The following PLEKHH1 variants were observed in gnomAD, a reference collection of about 807,000 sequenced individuals.
PLEKHH1 encodes pleckstrin homology domain-containing family H member 1.
A neutral mutation model predicts 160.0 loss-of-function variants in PLEKHH1; 104 were observed. The ratio of observed to expected loss-of-function variants is 0.65; its 90% confidence interval spans 0.55 to 0.76. The LOEUF is 0.76. Among genes scored for constraint, PLEKHH1 ranks in the 30% least tolerant of loss-of-function variants. The pLI is 0.00. For missense variants in PLEKHH1, 1,427 were observed against 1,724.1 expected, an observed-to-expected ratio of 0.83 and a Z score of 3.05; for synonymous variants, 619 against 678.4, an observed-to-expected ratio of 0.91 and a Z score of 1.36.
rs116563789 is a variant in PLEKHH1 at position 67,554,150 on chromosome 14, T to C, written c.127-1675T>C. 7.2e-3 allele frequency among the ~76,000 whole-genome samples: 1,094 copies of C among 152,344 alleles called. 20 individuals are homozygous for C. Among genetic ancestry groups the C allele is most frequent in the African/African-American group, 0.025 (1,028 of 41,586 alleles). On this transcript the variant is annotated intron_variant, in intron 2 of 28. Coordinates refer to ENST00000329153, the MANE Select transcript of PLEKHH1 (RefSeq NM_020715.3). ...AAAAATGGATGAGGGAAGGCCACCCTGAGCAAAGAGATCCCCCAGGTTCCC... is the reference window on the plus strand; with the variant it reads ...AAAAATGGATGAGGGAAGGCCACCCCGAGCAAAGAGATCCCCCAGGTTCCC...
intron 1 of PLEKHH1, among the ~76,000 whole-genome samples, chr14:67,540,344 G>A (rs887479235): frequency 4.6e-5 from 7 of 151,632 alleles, no homozygotes; most frequent in African/African-American, 7.3e-5. Flanking sequence ...AAATATTATC[G>A]GCCGGGTACA....
In PLEKHH1 at chr14:67,585,657, A is replaced by G. The variant is rs1332577574; in HGVS notation, c.3786+3A>G. 1 of 1,546,340 alleles carries G rather than the reference A, an allele frequency of 6.5e-7. No homozygotes were observed. The highest frequency in any genetic ancestry group is 8.8e-7 in the Non-Finnish European group (1 of 1,136,802). ...GCATCCTGGACCACAACACTATGGT[A>G]TGAAAGGATGCAGGCTGCTCCCTGA... On this transcript the variant is annotated splice_donor_region_variant and intron_variant, in intron 27 of 28. Coordinates refer to ENST00000329153, the MANE Select transcript of PLEKHH1 (RefSeq NM_020715.3).
chr14:67,536,944 G>T (rs1420635559), intron 1 of PLEKHH1, among the ~76,000 whole-genome samples: 1 of 151,416 alleles, frequency 6.6e-6, no homozygotes, highest in African/African-American at 2.4e-5. Context: ...GGAGGCTGAG[G>T]CAGGAAAATT....
At chr14:67,581,102 C>T in intron 23 of PLEKHH1, 64 bp downstream of exon 23, 1 of 988,220 alleles carries the variant, frequency 1.0e-6, no homozygotes, top group Non-Finnish European at 1.6e-6. Context: ...CAGCTCATCG[C>T]CTCCTCGACT....
intron 22 of PLEKHH1, among the ~76,000 whole-genome samples, chr14:67,580,702 C>A (rs1190375352): frequency 6.6e-6 from 1 of 152,190 alleles, no homozygotes; most frequent in East Asian, 1.9e-4. Context: ...CTGGTGACAC[C>A]AGCAGGGCAG....
intron 2 of PLEKHH1, among the ~76,000 whole-genome samples, chr14:67,544,912 G>C (rs1254416947): frequency 6.6e-6 from 1 of 152,204 alleles, no homozygotes; most frequent in African/African-American, 2.4e-5. Flanking sequence ...TTCCATGAAA[G>C]ATAGTGGCTG....
rs771760426 is a variant in PLEKHH1, at chr14:67,574,353, G to T, written c.2038G>T (p.Ala680Ser). Residue 680 changes from alanine (A) to serine (S), a missense_variant, in exon 14 of 29, where the codon GCT becomes TCT. By Grantham distance (99) the Ala-to-Ser change is moderately conservative. This residue lies in a region of PLEKHH1 where 831 missense variants were observed against 929.2 expected (regional missense o/e 0.89). Coordinates refer to ENST00000329153, the MANE Select transcript of PLEKHH1 (RefSeq NM_020715.3). This position sits in a 1 kb window ranked among gnomAD's most constrained non-coding sequence, Gnocchi z 4.2. The part of the protein sequence containing the change: ...LLKVQATGPP[A>S]LLRGGTKPTV... The stretch of plus-strand genomic sequence containing the variant: ...GAAGGTGCAGGCCACCGGGCCTCCA[G>T]CTCTGCTTCGGGGTGGCACCAAGCC... 4 of 1,595,964 alleles carry T rather than the reference G, an allele frequency of 2.5e-6. No homozygotes were observed. In the South Asian group the frequency reaches 4.5e-5, roughly 18 times the overall value.
At chr14:67,561,540 G>C (rs2034835908) in intron 5 of PLEKHH1, among the ~76,000 whole-genome samples, 1 of 152,112 alleles carries the variant, frequency 6.6e-6, no homozygotes, top group South Asian at 2.1e-4. Context: ...CTCCAGCCTG[G>C]GTGATAGAGC....
chr14:67,569,516 C>T (rs187732402), intron 8 of PLEKHH1, among the ~76,000 whole-genome samples: 4 of 152,202 alleles, frequency 2.6e-5, no homozygotes, highest in African/African-American at 4.8e-5. Context: ...GTGCCAGGGC[C>T]GTGGGTGGGA....
rs141462857 is a variant in PLEKHH1, at chr14:67,534,928, C to T, written c.-35+1530C>T. On this transcript the variant is annotated intron_variant, in intron 1 of 28. Coordinates refer to ENST00000329153, the MANE Select transcript of PLEKHH1 (RefSeq NM_020715.3). ...GTACATCATTGAATATTCATTGCAG[C>T]ATTGTTTAGCAAAAGGTTGGAAACA... Among the ~76,000 whole-genome samples the T allele has an allele frequency of 4.5e-3, 679 of 152,282 alleles. 18 individuals are homozygous for T. In the East Asian group the frequency reaches 0.063, roughly 14 times the overall value.
chr14:67,584,961 T>G (rs533997902), intron 26 of PLEKHH1, among the ~76,000 whole-genome samples: 2 of 152,346 alleles, frequency 1.3e-5, no homozygotes, highest in South Asian at 4.1e-4. Flanking sequence ...ATGTCCAATG[T>G]CTATCTGCCT....
chr14:67,575,462 A>G lies in PLEKHH1; in HGVS notation c.2159A>G (p.His720Arg), dbSNP rs1041155134. Reference sequence around the variant, plus strand: ...AAAATCTTCTACTACTATCGGAGCCATGAGGACAAGGTACTTCTCAGCCTC... The same window carrying G: ...AAAATCTTCTACTACTATCGGAGCCGTGAGGACAAGGTACTTCTCAGCCTC... ...VGKIFYYYRS[H>R]EDKRPLGCLP... Residue 720 changes from histidine to arginine, a missense_variant, in exon 15 of 29, where the codon CAT becomes CGT. Around this residue, in one of 6 missense-constraint regions of PLEKHH1, gnomAD observed 831 missense variants for 929.2 expected, o/e 0.89. Coordinates refer to ENST00000329153, the MANE Select transcript of PLEKHH1 (RefSeq NM_020715.3). 5 of 1,601,500 alleles carry G rather than the reference A, an allele frequency of 3.1e-6. No individual in the cohort carries two copies. The highest frequency in any genetic ancestry group is 2.7e-5 in the African/African-American group (2 of 74,736).
chr14:67,562,088 G>A (rs1594765240), intron 6 of PLEKHH1, 49 bp from the exon 7 acceptor site: 4 of 1,602,184 alleles, frequency 2.5e-6, no homozygotes, highest in Non-Finnish European at 3.4e-6. Context: ...GTGGGTATGG[G>A]GCTGAGCTAC....
At chr14:67,564,577 C>T (rs1438907356) in intron 7 of PLEKHH1, among the ~76,000 whole-genome samples, 3 of 152,102 alleles carry the variant, frequency 2.0e-5, no homozygotes, top group Non-Finnish European at 4.4e-5. Context: ...CCTACTTCAG[C>T]CTTCTAAGTA....
At position 67,586,072 on chromosome 14, in the gene PLEKHH1, TG is replaced by T; in HGVS notation, c.3909del (p.Ile1304SerfsTer20). On this transcript the variant is annotated frameshift_variant, in exon 28 of 29. Coordinates refer to ENST00000329153, the MANE Select transcript of PLEKHH1 (RefSeq NM_020715.3). LOFTEE classifies it high-confidence loss of function. ...KSSGKSHIEK[L>X]IFRMAAPKIA... ...TCTGGAAAAAGCCACATTGAGAAGT[TG>T]ATCTTCCGGATGGCTGCTCCCAAGG... 1 of 1,613,994 alleles carries T rather than the reference TG, an allele frequency of 6.2e-7. No homozygotes were observed. The highest frequency in any genetic ancestry group is 1.1e-5 in the South Asian group (1 of 91,082).
chr14:67,536,009 T>C (rs890470833), intron 1 of PLEKHH1, among the ~76,000 whole-genome samples: 6 of 152,228 alleles, frequency 3.9e-5, no homozygotes, highest in African/African-American at 1.4e-4. Flanking sequence ...GATTATTTAG[T>C]GCCTGAGCTC....
intron 2 of PLEKHH1, among the ~76,000 whole-genome samples, chr14:67,545,259 A>G (rs181554297): frequency 1.4e-3 from 206 of 152,316 alleles, no homozygotes; most frequent in African/African-American, 4.8e-3. Flanking sequence ...TCTTATTCAC[A>G]TGGTTATACC....
chr14:67,544,337 A>G (rs944976651), intron 2 of PLEKHH1, among the ~76,000 whole-genome samples: 1 of 152,218 alleles, frequency 6.6e-6, no homozygotes, highest in Non-Finnish European at 1.5e-5. Context: ...AGGAAACCCA[A>G]GTTCTGGGCC....
chr14:67,569,287 G>T, intron 8 of PLEKHH1, 71 bp downstream of exon 8: 1 of 1,105,500 alleles, frequency 9.0e-7, no homozygotes, highest in Non-Finnish European at 1.4e-6. Context: ...GGGAGGAGAA[G>T]ACTCCAAGCA....
Sources: allele counts gnomAD v4.1 joint callset (sites outside exome capture counted in the v4.1 genomes callset), GRCh38; gene constraint gnomAD v4.1.1; regional missense constraint gnomAD v4.1.1; non-coding constraint Gnocchi (gnomAD v3.1); transcripts MANE v1.5; gene names NCBI Gene and HGNC (gene_info 2026-07-23, HGNC 2026-07-21).